The following PCMTD1 variants were observed in gnomAD, a reference collection of about 807,000 sequenced individuals.
PCMTD1 encodes the protein protein-L-isoaspartate (D-aspartate) O-methyltransferase domain containing 1, also known as protein-L-isoaspartate O-methyltransferase domain-containing protein 1.
Under a neutral mutation model 37.6 loss-of-function variants are expected in PCMTD1, and 12 were observed. The observed-to-expected ratio is 0.32, with a 90% confidence interval of 0.20 to 0.52. PCMTD1 has a LOEUF of 0.52. PCMTD1 is among the 20% of genes least tolerant of loss of function. PCMTD1 has a pLI of 0.97. For synonymous variants in PCMTD1, 117 were observed against 135.8 expected, an observed-to-expected ratio of 0.86 and a Z score of 0.96; for missense variants, 235 against 421.3, an observed-to-expected ratio of 0.56 and a Z score of 3.87.
chr8:51,862,351 T>TACACACAC (rs375960391), intron 1 of PCMTD1, among the ~76,000 whole-genome samples: 59 of 141,484 alleles, frequency 4.2e-4, no homozygotes, highest in East Asian at 8.9e-4. Context: ...ACATGTTTTA[T>TACACACAC]ACACATACAC....
intron 1 of PCMTD1, among the ~76,000 whole-genome samples, chr8:51,879,725 A>C (rs1282861624): frequency 6.6e-6 from 1 of 152,260 alleles, no homozygotes; most frequent in Non-Finnish European, 1.5e-5. Context: ...AGCCACAGGC[A>C]AAACGTAAAA....
chr8:51,859,308 T>C (rs1395340279), intron 2 of PCMTD1, among the ~76,000 whole-genome samples: 2 of 151,968 alleles, frequency 1.3e-5, no homozygotes, highest in Non-Finnish European at 2.9e-5. Flanking sequence ...TCTCAAACCC[T>C]AGAGATTCCT....
At chr8:51,823,678 C>T (rs1585781003) in intron 5 of PCMTD1, among the ~76,000 whole-genome samples, 1 of 152,162 alleles carries the variant, frequency 6.6e-6, no homozygotes, top group South Asian at 2.1e-4. Context: ...AGAAGGAATC[C>T]TCCCTAACTC....
chr8:51,823,463 T>C (rs2037877398), intron 5 of PCMTD1, among the ~76,000 whole-genome samples: 2 of 152,116 alleles, frequency 1.3e-5, no homozygotes, highest in South Asian at 4.1e-4. Context: ...AGACCCTGTC[T>C]CAAACAATTA....
intron 3 of PCMTD1, among the ~76,000 whole-genome samples, chr8:51,839,086 T>G (rs930296814): frequency 1.5e-4 from 14 of 94,942 alleles, no homozygotes; most frequent in Non-Finnish European, 3.6e-4. Flanking sequence ...AGCAATCATT[T>G]TTATTCTTTG....
intron 3 of PCMTD1, among the ~76,000 whole-genome samples, chr8:51,838,988 A>T (rs1198700293): frequency 6.6e-6 from 1 of 152,216 alleles, no homozygotes; most frequent in Non-Finnish European, 1.5e-5. Context: ...ATTACTCGTA[A>T]AAGAATGGTT....
intron 1 of PCMTD1, among the ~76,000 whole-genome samples, chr8:51,882,880 C>A (rs2038811572): frequency 6.7e-6 from 1 of 149,808 alleles, no homozygotes; most frequent in Non-Finnish European, 1.5e-5. Context: ...ATAATCCCAG[C>A]ACTTTGGGAG....
chr8:51,862,805 T>G (rs147148135), intron 1 of PCMTD1, among the ~76,000 whole-genome samples: 2 of 152,346 alleles, frequency 1.3e-5, no homozygotes, highest in East Asian at 3.9e-4. Flanking sequence ...GGACATACTG[T>G]GAATTCACAT....
rs1357311302 is a variant in PCMTD1 at position 51,845,648 on chromosome 8, T to C, written c.410+13A>G. On this transcript the variant is annotated intron_variant, in intron 3 of 5. Transcript: ENST00000522514. ...AGTGATTTTAAACCAAAACTATAGA[T>C]ATGAATACTTACTTATCAAAGCTAT... 6.3e-7 allele frequency: 1 copy of C among 1,583,868 alleles called. No homozygotes were observed. Among genetic ancestry groups the C allele is most frequent in the Middle Eastern group, 1.7e-4 (1 of 6,004 alleles).
Position 51,818,165 on chromosome 8 carries a change from A to T in PCMTD1, c.*2186T>A, listed in dbSNP as rs1238114703. On this transcript the variant is annotated 3_prime_UTR_variant, in exon 6 of 6. Transcript: ENST00000522514. ...AATAGATAAAAAGGCTTTAGCTTTA[A>T]TTTTCATTTTTCATTTCTACCTCTT... The T allele has an allele frequency of 6.4e-6, 2 of 311,434 alleles. No individual in the cohort carries two copies. The highest frequency in any genetic ancestry group is 4.5e-5 in the African/African-American group (2 of 44,852). 19.3% of individuals were successfully genotyped at this position (311,434 alleles called of 1,614,324 possible). A position where few individuals can be genotyped will look rare whatever the true frequency, so the allele number is the denominator to read the frequency against.
rs2038464220 is a variant in PCMTD1 at position 51,861,159 on chromosome 8, T to C, written c.-8A>G. 1 of 1,574,030 alleles carries C rather than the reference T, an allele frequency of 6.4e-7. No individual in the cohort carries two copies. Among genetic ancestry groups the C allele is most frequent in the Non-Finnish European group, 8.6e-7 (1 of 1,157,196 alleles). On this transcript the variant is annotated 5_prime_UTR_variant, in exon 2 of 6. Transcript: ENST00000522514. ...ACTCACAGCTCCTCCCATGATAGTA[T>C]TCAAATCAAATCATAAATTTAAAAG...
chr8:51,893,431 T>C (rs1202402569), intron 1 of PCMTD1, among the ~76,000 whole-genome samples: 2 of 152,194 alleles, frequency 1.3e-5, no homozygotes, highest in East Asian at 3.8e-4. Context: ...TTTCAGCTGA[T>C]TGTACAGCTG....
chr8:51,843,017 A>T (rs2038169679), intron 3 of PCMTD1, among the ~76,000 whole-genome samples: 1 of 152,186 alleles, frequency 6.6e-6, no homozygotes, highest in South Asian at 2.1e-4. Context: ...TGAGATTTTT[A>T]AAACCACTTT....
chr8:51,856,777 T>C (rs148962867), intron 2 of PCMTD1, among the ~76,000 whole-genome samples: 37 of 152,356 alleles, frequency 2.4e-4, no homozygotes, highest in African/African-American at 8.7e-4. Flanking sequence ...TGTTATGATT[T>C]CATTTATATG....
At chr8:51,827,359 G>T in intron 5 of PCMTD1, 1 of 923,098 alleles carries the variant, frequency 1.1e-6, no homozygotes, top group Non-Finnish European at 1.5e-6. Context: ...GGTCAACCAA[G>T]GTCTGAAAAT....
chr8:51,825,820 A>G (rs13265029), intron 5 of PCMTD1, among the ~76,000 whole-genome samples: 104,335 of 152,052 alleles, frequency 0.69, 42,336 homozygotes, highest in Non-Finnish European at 0.9. Flanking sequence ...GCCATTTCAC[A>G]CCAATTAGAA....
At chr8:51,896,009 G>T (rs185877609) in intron 1 of PCMTD1, 7 of 146,162 alleles carry the variant, frequency 4.8e-5, no homozygotes, top group Admixed American at 3.5e-4. Context: ...GAAGTGGAGC[G>T]ATCTTGGCTC....
intron 5 of PCMTD1, among the ~76,000 whole-genome samples, chr8:51,825,337 T>C (rs755120325): frequency 2.8e-4 from 43 of 151,614 alleles, no homozygotes; most frequent in Admixed American, 6.6e-4. Flanking sequence ...AGAACTTAAA[T>C]TTACAAGAAA....
chr8:51,843,145 T>G (rs751007611), intron 3 of PCMTD1, among the ~76,000 whole-genome samples: 1 of 144,632 alleles, frequency 6.9e-6, no homozygotes, highest in Non-Finnish European at 1.5e-5. Context: ...TTTTTATAAT[T>G]TGTCATTGAA....
Sources: gnomAD v4.1 joint callset for allele counts (sites outside exome capture counted in the v4.1 genomes callset) on GRCh38, gnomAD v4.1.1 for gene constraint, MANE v1.5 for transcripts, NCBI Gene and HGNC (gene_info 2026-07-23, HGNC 2026-07-21) for gene names.